Variants in ABL1 observed in about 807,000 individuals in gnomAD.
ABL1 encodes the protein ABL proto-oncogene 1, non-receptor tyrosine kinase, also known as tyrosine-protein kinase ABL1.
In ABL1, 11 loss-of-function variants were observed where a neutral mutation model predicts 94.7. The observed-to-expected ratio is 0.12, with a 90% confidence interval of 0.07 to 0.19. The LOEUF (loss-of-function observed/expected upper bound fraction) is 0.19. Ranked by LOEUF, ABL1 falls within the 10% of genes least tolerant of loss-of-function variation. The probability of loss-of-function intolerance (pLI) is 1.00; values close to 1 mark genes in which losing one functional copy is unlikely to be tolerated. For missense variants in ABL1, 1,082 were observed against 1,489.4 expected (o/e 0.73, Z 4.50); for synonymous variants, 656 against 622.4 (o/e 1.05, Z -0.80).
intron 1 of ABL1, among the ~76,000 whole-genome samples, chr9:130,796,306 T>G (rs1829972989): frequency 6.6e-6 from 1 of 152,178 alleles, no homozygotes; most frequent in African/African-American, 2.4e-5. Flanking sequence ...GTGGATTGCT[T>G]GAGCCCAGGA....
chr9:130,821,687 A>T, intron 1 of ABL1, among the ~76,000 whole-genome samples: 1 of 132,890 alleles, frequency 7.5e-6, no homozygotes, highest in South Asian at 2.4e-4. Flanking sequence ...TTTGAGATGG[A>T]GTTTTGCTCT....
intron 1 of ABL1, among the ~76,000 whole-genome samples, chr9:130,820,502 C>T (rs1159242042): frequency 6.6e-6 from 1 of 152,186 alleles, no homozygotes. Context: ...TTGATCATCT[C>T]ATTTGTGTGT....
At chr9:130,807,136 TGA>T (rs760575455) in intron 1 of ABL1, among the ~76,000 whole-genome samples, 1 of 151,706 alleles carries the variant, frequency 6.6e-6, no homozygotes, top group African/African-American at 2.4e-5. Flanking sequence ...GGCGACAGAG[TGA>T]GACTCCATCT....
chr9:130,714,287 C>T (rs1480206602), exon 1 of ABL1: 1 of 1,547,458 alleles, frequency 6.5e-7, no homozygotes. Context: ...GATCTTGAAC[C>T]CTCTTCTGGA....
At chr9:130,774,927 GAGAA>G (rs944736002) in intron 1 of ABL1, among the ~76,000 whole-genome samples, 46 of 152,108 alleles carry the variant, frequency 3.0e-4, no homozygotes, top group African/African-American at 1.1e-3. Context: ...AGAAAACAAA[GAGAA>G]AGAAACTTGT....
intron 1 of ABL1, among the ~76,000 whole-genome samples, chr9:130,836,152 T>C (rs1399353877): frequency 6.6e-6 from 1 of 152,200 alleles, no homozygotes; most frequent in Non-Finnish European, 1.5e-5. Flanking sequence ...GAATTCGCTC[T>C]CTTTTCAGGG....
In ABL1 at chr9:130,885,964, C is replaced by G; in HGVS notation, c.*281C>G. On this transcript the variant is annotated 3_prime_UTR_variant, in exon 11 of 11. Transcript: ENST00000318560. Reference sequence around the variant, plus strand: ...ACTGCAGTCGGCATGCCAGGACCCGCCAGCCCCGCTCCCACCTAGTGCCCC... The same window carrying G: ...ACTGCAGTCGGCATGCCAGGACCCGGCAGCCCCGCTCCCACCTAGTGCCCC... 1 of 457,388 alleles carries G rather than the reference C, an allele frequency of 2.2e-6. No homozygotes were observed. Among genetic ancestry groups the G allele is most frequent in the East Asian group, 3.8e-5 (1 of 26,634 alleles). 28.3% of individuals were successfully genotyped at this position (457,388 alleles called of 1,614,324 possible).
chr9:130,832,751 G>C (rs1456979680), upstream of ABL1, among the ~76,000 whole-genome samples: 1 of 152,122 alleles, frequency 6.6e-6, no homozygotes, highest in African/African-American at 2.4e-5. Flanking sequence ...AATAGCTTTT[G>C]GGTCTTAGGC....
At position 130,863,563 on chromosome 9, in the gene ABL1, AG is replaced by A. The variant is rs1280877485; in HGVS notation, c.822+530del. On this transcript the variant is annotated intron_variant, in intron 4 of 10. Coordinates refer to ENST00000318560, the MANE Select transcript of ABL1 (RefSeq NM_005157.6). The surrounding 1 kb of genome is among the most constrained non-coding windows in gnomAD (Gnocchi z 4.3). ...AGAGGTGGAAGTGTCCCCGCTAGAA[AG>A]GCATCCAGGAAACTCGCTTTTGACC... Among the ~76,000 whole-genome samples, 1 of 152,168 alleles carries A rather than the reference AG, an allele frequency of 6.6e-6. No individual in the cohort carries two copies. Among genetic ancestry groups the A allele is most frequent in the Non-Finnish European group, 1.5e-5 (1 of 68,044 alleles).
chr9:130,876,406 T>TTTTTC (rs202155115), intron 7 of ABL1, among the ~76,000 whole-genome samples: 27 of 127,792 alleles, frequency 2.1e-4, no homozygotes, highest in African/African-American at 9.7e-4. Flanking sequence ...AACAAATTAC[T>TTTTTC]TTTTCTTTTT....
chr9:130,762,144 C>CAAAA (rs35046698), intron 1 of ABL1, among the ~76,000 whole-genome samples: 3,030 of 132,330 alleles, frequency 0.023, 161 homozygotes, highest in African/African-American at 0.079. Context: ...ACTCCCAGCT[C>CAAAA]AAAAAAAAAA....
At chr9:130,749,948 A>G (rs1484920345) in intron 1 of ABL1, among the ~76,000 whole-genome samples, 2 of 151,684 alleles carry the variant, frequency 1.3e-5, no homozygotes, top group African/African-American at 2.4e-5. Context: ...CTGAGGCGGG[A>G]GGATCACTTG....
chr9:130,805,846 CCTGT>C (rs1183552641), intron 1 of ABL1, among the ~76,000 whole-genome samples: 1 of 152,280 alleles, frequency 6.6e-6, no homozygotes, highest in South Asian at 2.1e-4. Context: ...AAGTTACTGA[CCTGT>C]CTTTTAGACA....
At chr9:130,866,904 T>C (rs1831166273) in intron 4 of ABL1, among the ~76,000 whole-genome samples, 1 of 152,222 alleles carries the variant, frequency 6.6e-6, no homozygotes, top group African/African-American at 2.4e-5. Context: ...CTCAAACTCC[T>C]GGCTCAAGCA....
chr9:130,765,441 A>G (rs1456261627), intron 1 of ABL1, among the ~76,000 whole-genome samples: 3 of 152,136 alleles, frequency 2.0e-5, no homozygotes, highest in Non-Finnish European at 4.4e-5. Flanking sequence ...AAATGCTTCT[A>G]TTGTTTGTAG....
intron 2 of ABL1, among the ~76,000 whole-genome samples, 174 bp downstream of exon 2, chr9:130,854,411 T>G (rs1203815121): frequency 6.6e-6 from 1 of 152,190 alleles, no homozygotes; most frequent in Non-Finnish European, 1.5e-5. Context: ...AGAGGAGTTC[T>G]TGTACAATAG....
chr9:130,841,014 G>A (rs1200355032), intron 1 of ABL1, among the ~76,000 whole-genome samples: 4 of 152,276 alleles, frequency 2.6e-5, no homozygotes, highest in Non-Finnish European at 4.4e-5. Flanking sequence ...GGGTAGAATC[G>A]TTACTCTGGA....
rs569351609 is a variant in ABL1, at chr9:130,829,079, A to T, written c.137-24985A>T. On this transcript the variant is annotated intron_variant, in intron 1 of 10. Transcript: ENST00000372348. ...CATCTCTAAACAATACTTACTGGAA[A>T]CTAGATAGTAGCAGATAAATAAATG... is the stretch of plus-strand genomic sequence containing the variant. Among the ~76,000 whole-genome samples the T allele has an allele frequency of 7.9e-5, 12 of 152,340 alleles. No homozygotes were observed. The East Asian group carries it at 2.1e-3, about 27-fold the overall frequency.
intron 1 of ABL1, among the ~76,000 whole-genome samples, chr9:130,786,380 T>A: frequency 6.6e-6 from 1 of 152,230 alleles, no homozygotes; most frequent in East Asian, 1.9e-4. Flanking sequence ...CAGCTTTGGC[T>A]GTGTGTGAGT....
Sources: gnomAD v4.1 joint callset for allele counts (sites outside exome capture counted in the v4.1 genomes callset) on GRCh38, gnomAD v4.1.1 for gene constraint, Gnocchi (gnomAD v3.1) non-coding constraint, MANE v1.5 for transcripts, NCBI Gene and HGNC (gene_info 2026-07-23, HGNC 2026-07-21) for gene names.